RIMS3: variants seen among roughly 807,000 people sequenced by gnomAD.
The protein encoded by RIMS3 is regulating synaptic membrane exocytosis protein 3.
A neutral mutation model predicts 29.2 loss-of-function variants in RIMS3; 15 were observed. The observed-to-expected ratio is 0.51, with a 90% CI of 0.34 to 0.79. The LOEUF is 0.79. Ranked by LOEUF, RIMS3 falls within the 30% of genes least tolerant of loss-of-function variation. The probability of loss-of-function intolerance (pLI) is 0.01; values close to 1 mark genes in which losing one functional copy is unlikely to be tolerated. For missense variants in RIMS3, 342 were observed against 421.4 expected, an observed-to-expected ratio of 0.81 and a Z score of 1.65; for synonymous variants, 161 against 170.1, an observed-to-expected ratio of 0.95 and a Z score of 0.41.
At chr1:40,660,673 G>A (rs574102572) in intron 1 of RIMS3, among the ~76,000 whole-genome samples, 1 of 152,062 alleles carries the variant, frequency 6.6e-6, no homozygotes, top group Admixed American at 6.5e-5. Context: ...TTGAGGAGGT[G>A]TGAGCCACCG....
chr1:40,691,500 A>C, the RIMS3 span: 1 of 304,362 alleles, frequency 3.3e-6, no homozygotes, highest in Non-Finnish European at 6.5e-6. Context: ...GCGCCTCCGG[A>C]TCCCCCGAAA....
chr1:40,639,166 G>A (rs995624237), intron 3 of RIMS3, among the ~76,000 whole-genome samples: 1 of 152,220 alleles, frequency 6.6e-6, no homozygotes, highest in African/African-American at 2.4e-5. Context: ...CAGAGTCCAG[G>A]AGAGGAATTC....
rs1241865989 is a variant in RIMS3, at chr1:40,633,085, C to A, written c.456G>T (p.Leu152=). Residue 152 remains leucine (L), a synonymous_variant, in exon 5 of 8, where the codon CTG becomes CTT. Coordinates refer to ENST00000372684, the MANE Select transcript of RIMS3 (RefSeq NM_014747.3). Reference sequence around the variant, plus strand: ...AAGACTCACCCATGGGTGGTGTTGCCAGTGTCTGTCGCCCCACAATCTGAG... The same window carrying A: ...AAGACTCACCCATGGGTGGTGTTGCAAGTGTCTGTCGCCCCACAATCTGAG... ...GPAQIVGRQT[L]ATPPMGDVHI... 3 of 1,614,080 alleles carry A rather than the reference C, an allele frequency of 1.9e-6. No individual in the cohort carries two copies. The highest frequency in any genetic ancestry group is 1.7e-6 in the Non-Finnish European group (2 of 1,179,924).
intron 5 of RIMS3, among the ~76,000 whole-genome samples, chr1:40,631,191 C>T (rs7540965): frequency 0.26 from 39,281 of 151,994 alleles, 5,968 homozygotes; most frequent in Middle Eastern, 0.35. Context: ...AGGAGCTATC[C>T]TGGGGAGGAG....
chr1:40,667,521 G>A (rs953351427), upstream of RIMS3, among the ~76,000 whole-genome samples: 1 of 152,178 alleles, frequency 6.6e-6, no homozygotes, highest in South Asian at 2.1e-4. Context: ...TATCTCTCTG[G>A]AGATGTGCAA....
At chr1:40,690,276 ATC>A in the RIMS3 span, 9 of 152,218 alleles carry the variant, frequency 5.9e-5, no homozygotes, top group Non-Finnish European at 1.2e-4. Flanking sequence ...CATTAGCTAC[ATC>A]TGTCTCTACA....
At chr1:40,666,411 C>T (rs754886328), upstream of RIMS3, among the ~76,000 whole-genome samples, 29 of 152,176 alleles carry the variant, frequency 1.9e-4, no homozygotes, top group Non-Finnish European at 4.3e-4. Context: ...ACAGCCCCTG[C>T]GCCAGAGAAT....
At chr1:40,688,294 CA>C in the RIMS3 span, among the ~76,000 whole-genome samples, 1 of 152,106 alleles carries the variant, frequency 6.6e-6, no homozygotes, top group Non-Finnish European at 1.5e-5. Context: ...CAAAGGTACA[CA>C]ATGAGATAGA....
chr1:40,675,106 A>C, the RIMS3 span, among the ~76,000 whole-genome samples: 1 of 151,668 alleles, frequency 6.6e-6, no homozygotes, highest in African/African-American at 2.4e-5. Flanking sequence ...GAAAGGAAAA[A>C]AAATTTTTTT....
At chr1:40,652,547 C>T (rs1642190570) in intron 1 of RIMS3, among the ~76,000 whole-genome samples, 1 of 152,160 alleles carries the variant, frequency 6.6e-6, no homozygotes, top group Non-Finnish European at 1.5e-5. Flanking sequence ...GCAGAGGTGG[C>T]TCTAAAGGAA....
In RIMS3 at chr1:40,625,708, G is replaced by A. The variant is rs1646449010; in HGVS notation, c.*809C>T. The A allele has an allele frequency of 6.6e-6, 1 of 152,616 alleles. No individual in the cohort carries two copies. Among genetic ancestry groups the A allele is most frequent in the Admixed American group, 6.5e-5 (1 of 15,292 alleles). 9.5% of individuals were successfully genotyped at this position (152,616 alleles called of 1,614,324 possible). On this transcript the variant is annotated 3_prime_UTR_variant, in exon 8 of 8. Transcript: ENST00000372684. ...TCCTTCGGCACGGTGGAGTGGGGAG[G>A]CTTGAAGAGACAGGAGATGAAGAAC...
chr1:40,666,611 T>A (rs1016994009), upstream of RIMS3, among the ~76,000 whole-genome samples: 12 of 152,196 alleles, frequency 7.9e-5, no homozygotes, highest in African/African-American at 2.9e-4. Context: ...TGCTTAGGAC[T>A]GGTCAGTTCC....
At chr1:40,660,378 CTTTT>C (rs535968581) in intron 1 of RIMS3, among the ~76,000 whole-genome samples, 9 of 135,152 alleles carry the variant, frequency 6.7e-5, no homozygotes, top group Admixed American at 7.5e-5. Context: ...GTTGGGGCTT[CTTTT>C]TTTTTTTTTT....
chr1:40,639,844 A>T (rs1271177593), intron 3 of RIMS3, among the ~76,000 whole-genome samples: 1 of 152,142 alleles, frequency 6.6e-6, no homozygotes, highest in African/African-American at 2.4e-5. Flanking sequence ...ACCTTCAGTT[A>T]GAAGGGCATC....
the RIMS3 span, among the ~76,000 whole-genome samples, chr1:40,681,046 C>T: frequency 2.0e-5 from 3 of 152,214 alleles, no homozygotes; most frequent in South Asian, 2.1e-4. Context: ...AGAACTTAAC[C>T]TCTGCAGATA....
upstream of RIMS3, among the ~76,000 whole-genome samples, chr1:40,668,497 G>T (rs995276194): frequency 1.5e-5 from 2 of 133,886 alleles, no homozygotes; most frequent in Non-Finnish European, 3.2e-5. Context: ...TGGGCGGGGG[G>T]GGGGGGGTTG....
chr1:40,621,296 G>A lies in RIMS3; in HGVS notation c.*5221C>T, dbSNP rs1646419320. 1 of 152,348 alleles carries A rather than the reference G, an allele frequency of 6.6e-6. No homozygotes were observed. The highest frequency in any genetic ancestry group is 6.5e-5 in the Admixed American group (1 of 15,300). 9.4% of individuals were successfully genotyped at this position (152,348 alleles called of 1,614,324 possible). ...TTACTCAGGATGTAGCGGAGGTTGTGACATCACATCAGCACCTTGAAAATT... is the reference window on the plus strand; with the variant it reads ...TTACTCAGGATGTAGCGGAGGTTGTAACATCACATCAGCACCTTGAAAATT... On this transcript the variant is annotated 3_prime_UTR_variant, in exon 8 of 8. Coordinates refer to ENST00000372684, the MANE Select transcript of RIMS3 (RefSeq NM_014747.3).
intron 3 of RIMS3, among the ~76,000 whole-genome samples, chr1:40,639,016 G>A (rs1646539184): frequency 6.6e-6 from 1 of 152,134 alleles, no homozygotes; most frequent in South Asian, 2.1e-4. Flanking sequence ...TGGTGCAATC[G>A]TCCAGGCTAG....
chr1:40,667,426 G>T (rs1194514516), upstream of RIMS3, among the ~76,000 whole-genome samples: 1 of 152,128 alleles, frequency 6.6e-6, no homozygotes, highest in Non-Finnish European at 1.5e-5. Flanking sequence ...GAGGAATCAG[G>T]CTTCCTGTGT....
Sources: allele counts gnomAD v4.1 joint callset (sites outside exome capture counted in the v4.1 genomes callset), GRCh38; gene constraint gnomAD v4.1.1; transcripts MANE v1.5; gene names NCBI Gene and HGNC (gene_info 2026-07-23, HGNC 2026-07-21).